ICE1: variants seen among roughly 807,000 people sequenced by gnomAD.
ICE1 encodes interactor of little elongation complex ELL subunit 1, also known as little elongation complex subunit 1.
ICE1 carries 64 observed loss-of-function variants against 192.7 expected under a neutral mutation model. The ratio of observed to expected loss-of-function variants is 0.33; its 90% CI spans 0.27 to 0.41. The LOEUF (loss-of-function observed/expected upper bound fraction) is 0.41. ICE1 is among the 10% of genes least tolerant of loss of function. ICE1 has a pLI of 1.00. For missense variants in ICE1, 2,708 were observed against 2,696.0 expected, an observed-to-expected ratio of 1.00 and a Z score of -0.10; for synonymous variants, 1,010 against 984.5, an observed-to-expected ratio of 1.03 and a Z score of -0.49.
chr5:5,437,935 T>G (rs1023001815), intron 3 of ICE1: 1 of 152,268 alleles, frequency 6.6e-6, no homozygotes, highest in Non-Finnish European at 1.5e-5. Context: ...ATGATTTATG[T>G]CATACCTGAA....
intron 14 of ICE1, among the ~76,000 whole-genome samples, chr5:5,467,329 AAC>A (rs1383098290): frequency 1.3e-5 from 2 of 152,174 alleles, no homozygotes. Context: ...ATATCACAAA[AAC>A]ACACATGAAG....
At chr5:5,485,018 G>C (rs1409034565) in intron 17 of ICE1, among the ~76,000 whole-genome samples, 2 of 152,082 alleles carry the variant, frequency 1.3e-5, no homozygotes, top group Non-Finnish European at 1.5e-5. Flanking sequence ...AGTAAGGGAA[G>C]GCTGCGAGTG....
intron 14 of ICE1, among the ~76,000 whole-genome samples, chr5:5,467,322 T>C (rs1000733328): frequency 3.9e-5 from 6 of 152,190 alleles, no homozygotes; most frequent in Non-Finnish European, 8.8e-5. Context: ...CATAGTCATA[T>C]CACAAAAACA....
intron 17 of ICE1, among the ~76,000 whole-genome samples, chr5:5,481,855 C>T (rs1237726550): frequency 1.3e-5 from 2 of 152,120 alleles, no homozygotes; most frequent in Non-Finnish European, 2.9e-5. Context: ...AGATTTGTAG[C>T]CTATCAGTAG....
chr5:5,451,953 T>C (rs2111363035), intron 10 of ICE1, among the ~76,000 whole-genome samples: 1 of 152,172 alleles, frequency 6.6e-6, no homozygotes, highest in South Asian at 2.1e-4. Flanking sequence ...TCCACAAATT[T>C]AGAGTACAGA....
intron 11 of ICE1, among the ~76,000 whole-genome samples, chr5:5,455,320 C>T (rs564581645): frequency 9.9e-5 from 15 of 152,248 alleles, no homozygotes; most frequent in South Asian, 6.2e-4. Context: ...GTCGAGTGTA[C>T]GGAGGCATAT....
intron 7 of ICE1, among the ~76,000 whole-genome samples, chr5:5,446,755 A>G (rs1229980760): frequency 6.6e-6 from 1 of 152,158 alleles, no homozygotes; most frequent in Admixed American, 6.5e-5. Context: ...AAAATATCCA[A>G]ACTTGTTAGA....
intron 10 of ICE1, among the ~76,000 whole-genome samples, chr5:5,453,883 C>T (rs1264935154): frequency 6.6e-6 from 1 of 152,172 alleles, no homozygotes. Flanking sequence ...GAATTTACAT[C>T]TCTTTGAAAA....
intron 15 of ICE1, among the ~76,000 whole-genome samples, chr5:5,470,590 A>G (rs1273387994): frequency 1.3e-5 from 2 of 152,254 alleles, no homozygotes; most frequent in African/African-American, 4.8e-5. Flanking sequence ...AAATGAGGAC[A>G]TAGTACAGTT....
In ICE1 at chr5:5,443,196, A is replaced by G; in HGVS notation, c.338A>G (p.His113Arg). The G allele has an allele frequency of 6.6e-7, 1 of 1,513,800 alleles. No individual in the cohort carries two copies. The highest frequency in any genetic ancestry group is 8.9e-7 in the Non-Finnish European group (1 of 1,126,762). 93.8% of individuals were successfully genotyped at this position (1,513,800 alleles called of 1,614,324 possible). ...KSSLKLYQDTHQEYARVKEEC... is the reference protein window; with the variant it reads ...KSSLKLYQDTRQEYARVKEEC... ...TCTTTAAAGTTGTATCAGGATACTC[A>G]TCAGGAATATGCTCGTGTAAAGGAA... is the stretch of plus-strand genomic sequence containing the variant. The change falls in exon 6 of 19, where the codon CAT becomes CGT. Residue 113 changes from histidine (H) to arginine (R), a missense_variant. His to Arg is a conservative substitution (Grantham distance 29). Coordinates refer to ENST00000296564, the MANE Select transcript of ICE1 (RefSeq NM_015325.3).
At chr5:5,432,088 T>C (rs1245417351) in intron 1 of ICE1, among the ~76,000 whole-genome samples, 2 of 152,180 alleles carry the variant, frequency 1.3e-5, no homozygotes, top group Non-Finnish European at 2.9e-5. Context: ...TGTATACAAT[T>C]CAGTTCAATT....
Position 5,441,156 on chromosome 5 carries a change from A to G in ICE1, c.242A>G (p.Lys81Arg). 1 of 1,565,096 alleles carries G rather than the reference A, an allele frequency of 6.4e-7. No individual in the cohort carries two copies. The highest frequency in any genetic ancestry group is 8.7e-7 in the Non-Finnish European group (1 of 1,153,470). The change falls in exon 5 of 19, where the codon AAA becomes AGA. Residue 81 changes from lysine (K) to arginine (R), a missense_variant. Lys to Arg is a conservative substitution (Grantham distance 26, BLOSUM62 2). Around this residue, in one of 2 missense-constraint regions of ICE1, gnomAD observed 2,366 missense variants for 2,276.6 expected, o/e 1.04. Transcript: ENST00000296564. ...CACCAAGTGGAAGAGATGCTTCAAA[A>G]AATTTCTCCTCTACAGAAATGTCAG... ...LHHQVEEMLQ[K>R]ISPLQKCQEE...
chr5:5,423,157 C>T (rs141051522), intron 1 of ICE1, among the ~76,000 whole-genome samples, 158 bp downstream of exon 1: 426 of 152,206 alleles, frequency 2.8e-3, no homozygotes, highest in Non-Finnish European at 4.3e-3. Context: ...CTCTCTTTTT[C>T]CTACATGAGT....
chr5:5,424,922 T>TAG (rs1456887295), intron 1 of ICE1, among the ~76,000 whole-genome samples: 2 of 152,294 alleles, frequency 1.3e-5, no homozygotes, highest in Non-Finnish European at 2.9e-5. Context: ...TGGGCTCCTG[T>TAG]AGACCATTGT....
chr5:5,453,765 A>T (rs1738497272), intron 10 of ICE1, among the ~76,000 whole-genome samples: 1 of 152,236 alleles, frequency 6.6e-6, no homozygotes, highest in Admixed American at 6.5e-5. Context: ...GAAAAGCTTT[A>T]AAACCATAGT....
In ICE1 at chr5:5,464,753, G is replaced by A; in HGVS notation, c.5419G>A (p.Val1807Ile). The A allele has an allele frequency of 6.2e-7, 1 of 1,613,796 alleles. No individual in the cohort carries two copies. The highest frequency in any genetic ancestry group is 8.5e-7 in the Non-Finnish European group (1 of 1,179,828). ...GATCACTTCAGCAGCAACTGCTTTT[G>A]TCAAAACTGGGAGCAGCTCTGGTGG... is the stretch of plus-strand genomic sequence containing the variant. ...KTITSAATAF[V>I]KTGSSSGGDC... The change falls in exon 13 of 19, where the codon GTC (valine) becomes ATC (isoleucine). Residue 1807 changes from valine to isoleucine, a missense_variant. Val to Ile is a conservative substitution (Grantham distance 29). Transcript: ENST00000296564. This position sits in a 1 kb window ranked among gnomAD's most constrained non-coding sequence, Gnocchi z 4.0.
chr5:5,442,773 C>G (rs1239335707), intron 5 of ICE1, among the ~76,000 whole-genome samples: 1 of 152,276 alleles, frequency 6.6e-6, no homozygotes, highest in East Asian at 1.9e-4. Context: ...CACATTTTCC[C>G]CAGTTATCAT....
intron 12 of ICE1, among the ~76,000 whole-genome samples, chr5:5,459,973 C>G (rs1190218176): frequency 6.6e-6 from 1 of 152,008 alleles, no homozygotes; most frequent in African/African-American, 2.4e-5. Context: ...TGGGAGATAC[C>G]CACAAGACAG....
chr5:5,474,620 C>T (rs1739261357), intron 16 of ICE1, among the ~76,000 whole-genome samples: 1 of 152,146 alleles, frequency 6.6e-6, no homozygotes, highest in African/African-American at 2.4e-5. Flanking sequence ...TAGCTTTGTA[C>T]CATCTCTGAG....
Sources: gnomAD v4.1 joint callset for allele counts (sites outside exome capture counted in the v4.1 genomes callset) on GRCh38, gnomAD v4.1.1 for gene constraint, gnomAD v4.1.1 regional missense constraint, Gnocchi (gnomAD v3.1) non-coding constraint, MANE v1.5 for transcripts, NCBI Gene and HGNC (gene_info 2026-07-23, HGNC 2026-07-21) for gene names.